Variants in AGRN observed in about 807,000 individuals in gnomAD.
AGRN encodes the protein agrin, also known as agrin proteoglycan.
Under a neutral mutation model 211.0 loss-of-function variants are expected in AGRN, and 106 were observed. That is an observed-to-expected ratio of 0.50 (90% CI 0.43 to 0.59). The LOEUF is 0.59. AGRN is among the 20% of genes least tolerant of loss of function. The pLI, the probability that AGRN is intolerant of heterozygous loss-of-function variation, is 0.00. For missense variants in AGRN, 3,040 were observed against 2,982.6 expected (o/e 1.02, Z -0.45); for synonymous variants, 1,525 against 1,332.5 (o/e 1.14, Z -3.15).
chr1:1,043,854 G>T lies in AGRN; in HGVS notation c.1830G>T (p.Gly610=). The stretch of plus-strand genomic sequence containing the variant: ...GTGGAGATGCCGTGTGTGCTTTTGG[G>T]GCTGTGTGCTCCGCAGGGCAGTGTG... ...ETCGDAVCAF[G]AVCSAGQCVC... Residue 610 remains glycine, a synonymous_variant, in exon 10 of 36, where the codon GGG becomes GGT. Coordinates refer to ENST00000379370, the MANE Select transcript of AGRN (RefSeq NM_198576.4). 1 of 1,611,546 alleles carries T rather than the reference G, an allele frequency of 6.2e-7. No homozygotes were observed.
rs146243145 is a variant in AGRN at position 1,045,488 on chromosome 1, G to A, written c.2501G>A (p.Arg834Gln). Residue 834 changes from arginine (R) to glutamine (Q), a missense_variant, in exon 14 of 36, where the codon CGA (arginine) becomes CAA (glutamine). Transcript: ENST00000379370. ...DRCEPGFWNF[R>Q]GIVTDGRSGC... ...TGTGAGCCTGGCTTCTGGAACTTTC[G>A]AGGCATCGTCACCGATGGCCGGAGT... The A allele has an allele frequency of 1.3e-3, 2,129 of 1,612,966 alleles. 3 individuals carry two copies. Among genetic ancestry groups the A allele is most frequent in the Non-Finnish European group, 1.6e-3 (1,848 of 1,179,962 alleles).
In AGRN at chr1:1,043,816, C is replaced by G; in HGVS notation, c.1799-7C>G. ...TGCCGACCCCTGCCTGGCTCTGTCTCCTGCAGAGACCTGTGGAGATGCCGT... is the reference window on the plus strand; with the variant it reads ...TGCCGACCCCTGCCTGGCTCTGTCTGCTGCAGAGACCTGTGGAGATGCCGT... On this transcript the variant is annotated splice_region_variant and splice_polypyrimidine_tract_variant and intron_variant, in intron 9 of 35. Coordinates refer to ENST00000379370, the MANE Select transcript of AGRN (RefSeq NM_198576.4). The G allele has an allele frequency of 1.2e-6, 2 of 1,610,424 alleles. No homozygotes were observed. The highest frequency in any genetic ancestry group is 1.7e-6 in the Non-Finnish European group (2 of 1,179,840).
intron 2 of AGRN, among the ~76,000 whole-genome samples, chr1:1,026,366 A>ATCAT (rs1644521458): frequency 6.6e-6 from 1 of 152,098 alleles, no homozygotes; most frequent in South Asian, 2.1e-4. Flanking sequence ...AGGAGAGGGA[A>ATCAT]TCATTAGCCC....
At chr1:1,051,886 C>T (rs571084044) in intron 33 of AGRN, 71 bp downstream of exon 33, 10 of 1,579,862 alleles carry the variant, frequency 6.3e-6, no homozygotes, top group Non-Finnish European at 8.6e-6. Context: ...ACCCCCACAC[C>T]AGGAGGGCCC....
intron 2 of AGRN, chr1:1,034,599 G>C (rs1415100916): frequency 1.4e-5 from 14 of 986,216 alleles, no homozygotes; most frequent in Non-Finnish European, 1.7e-5. Flanking sequence ...CAGCCGCCTG[G>C]CGCCTCCCTG....
chr1:1,054,113 G>T, intron 34 of AGRN, 136 bp downstream of exon 34: 1 of 976,160 alleles, frequency 1.0e-6, no homozygotes, highest in South Asian at 1.5e-5. Flanking sequence ...CACTGCCAGT[G>T]GGAGGAGGAA....
At position 1,047,907 on chromosome 1, in the gene AGRN, G is replaced by A. The variant is rs756531895; in HGVS notation, c.3751+12G>A. 16 of 1,597,078 alleles carry A rather than the reference G, an allele frequency of 1.0e-5. No individual in the cohort carries two copies. In the South Asian group the frequency reaches 1.8e-4, roughly 18 times the overall value. On this transcript the variant is annotated intron_variant, in intron 22 of 35. Transcript: ENST00000379370. ...ATTTATGGACTTTGGTGAGCGCCAGGCCACGAGCCACAGCTTACCTGCCCC... is the reference window on the plus strand; with the variant it reads ...ATTTATGGACTTTGGTGAGCGCCAGACCACGAGCCACAGCTTACCTGCCCC...
intron 33 of AGRN, chr1:1,052,874 G>A: frequency 6.3e-6 from 1 of 158,118 alleles, no homozygotes; most frequent in South Asian, 1.9e-4. Context: ...TGTATATGTG[G>A]GGGAGACAGG....
chr1:1,028,093 C>T (rs1025034220), intron 2 of AGRN, among the ~76,000 whole-genome samples: 6 of 152,188 alleles, frequency 3.9e-5, no homozygotes, highest in South Asian at 2.1e-4. Flanking sequence ...CACACACTCA[C>T]GGTTGGCACC....
chr1:1,054,226 C>T (rs1012626410), intron 34 of AGRN, among the ~76,000 whole-genome samples: 2 of 152,204 alleles, frequency 1.3e-5, no homozygotes, highest in South Asian at 2.1e-4. Flanking sequence ...TGAGCCTGGC[C>T]GTCGCCTCCA....
rs1178940133 is a variant in AGRN at position 1,055,217 on chromosome 1, TGCTGAGCCCCC to T, written c.*239_*249del. On this transcript the variant is annotated 3_prime_UTR_variant, in exon 36 of 36. Coordinates refer to ENST00000379370, the MANE Select transcript of AGRN (RefSeq NM_198576.4). ...CAGGACACACACCCCTGCCTCAAGGTGCTGAGCCCCCGCCTTGCACTGCGCCTGCCCCACGG... is the reference window on the plus strand; with the variant it reads ...CAGGACACACACCCCTGCCTCAAGGTGCCTTGCACTGCGCCTGCCCCACGG... 1.6e-5 allele frequency: 10 copies of T among 643,172 alleles called. No homozygotes were observed. The allele number at this position is 643,172 out of a possible 1,614,324, so 39.8% of individuals were successfully genotyped here.
rs1442317576 is a variant in AGRN, at chr1:1,048,076, A to C, written c.3816A>C (p.Arg1272Ser). 1.3e-6 allele frequency: 2 copies of C among 1,582,702 alleles called. No homozygotes were observed. The highest frequency in any genetic ancestry group is 1.7e-4 in the Middle Eastern group (1 of 6,060). ...CCATTGCTGCGGGAGCCACGGCCAG[A>C]GCCACCACTGCATCGCGCCTGCCGT... ...SGAIAAGATARATTASRLPSS... is the reference protein window; with the variant it reads ...SGAIAAGATASATTASRLPSS... The change falls in exon 23 of 36, where the codon AGA (arginine) becomes AGC (serine). Residue 1272 changes from arginine to serine, a missense_variant. Arg to Ser is a moderately radical substitution (Grantham distance 110, BLOSUM62 -1). Transcript: ENST00000379370. This position sits in a 1 kb window ranked among gnomAD's most constrained non-coding sequence, Gnocchi z 5.9.
intron 24 of AGRN, 43 bp from the exon 25 acceptor site, chr1:1,049,164 GCGGGGCAGCTCAGGTAGGCGGGGTGGGGA>G: frequency 2.7e-6 from 3 of 1,092,530 alleles, no homozygotes; most frequent in Non-Finnish European, 3.6e-6. Flanking sequence ...GGGGACGGGG[GCGGGGCAGCTCAGGTAGGCGGGGTGGGGA>G]CGGGGCCGGG....
chr1:1,046,152 T>C lies in AGRN; in HGVS notation c.2806-8T>C, dbSNP rs1645086050. 2 of 1,613,952 alleles carry C rather than the reference T, an allele frequency of 1.2e-6. No individual in the cohort carries two copies. The highest frequency in any genetic ancestry group is 1.7e-6 in the Non-Finnish European group (2 of 1,180,006). Reference sequence around the variant, plus strand: ...CCTCGCCTTGAACATCCTTGTTCTCTGCCCCAGGTCTGTGGGTCAGATGGA... The same window carrying C: ...CCTCGCCTTGAACATCCTTGTTCTCCGCCCCAGGTCTGTGGGTCAGATGGA... On this transcript the variant is annotated splice_polypyrimidine_tract_variant and splice_region_variant and intron_variant, in intron 16 of 35. Transcript: ENST00000379370.
chr1:1,043,155 G>A, intron 7 of AGRN, 84 bp from the exon 8 acceptor site: 1 of 1,430,078 alleles, frequency 7.0e-7, no homozygotes, highest in Non-Finnish European at 9.6e-7. Context: ...CTCCCTGGAA[G>A]AGGGACTGCT....
intron 30 of AGRN, 64 bp from the exon 31 acceptor site, chr1:1,051,189 G>C (rs900306434): frequency 5.2e-6 from 8 of 1,539,998 alleles, no homozygotes; most frequent in Non-Finnish European, 6.1e-6. Flanking sequence ...GCGTGCAGGT[G>C]CCTGGGCCCT....
chr1:1,035,376 G>A (rs752445322), intron 3 of AGRN, 52 bp downstream of exon 3: 8 of 1,603,004 alleles, frequency 5.0e-6, no homozygotes, highest in South Asian at 1.1e-5. Flanking sequence ...ACTCTTGGGA[G>A]TCAGGGGCCA....
intron 30 of AGRN, 197 bp from the exon 31 acceptor site, chr1:1,051,054 CCT>C: frequency 1.3e-6 from 2 of 1,548,978 alleles, no homozygotes; most frequent in Non-Finnish European, 1.7e-6. Context: ...GTACTGTCGG[CCT>C]CTCATCCGCT....
rs79746303 is a variant in AGRN at position 1,050,068 on chromosome 1, G to T, written c.4879+31G>T. The T allele has an allele frequency of 7.2e-5, 97 of 1,346,500 alleles. 1 individual carries two copies. The highest frequency in any genetic ancestry group is 9.2e-5 in the Non-Finnish European group (89 of 968,658). 83.4% of individuals were successfully genotyped at this position (1,346,500 alleles called of 1,614,324 possible). ...GGGCGTGGGGCTCTCGGGGCAGGGGGGGGGGGGGGGTTGAACGTTTGGGCG... is the reference window on the plus strand; with the variant it reads ...GGGCGTGGGGCTCTCGGGGCAGGGGTGGGGGGGGGGTTGAACGTTTGGGCG... On this transcript the variant is annotated intron_variant, in intron 27 of 35. Coordinates refer to ENST00000379370, the MANE Select transcript of AGRN (RefSeq NM_198576.4).
Sources: gnomAD v4.1 joint callset for allele counts (sites outside exome capture counted in the v4.1 genomes callset) on GRCh38, gnomAD v4.1.1 for gene constraint, Gnocchi (gnomAD v3.1) non-coding constraint, MANE v1.5 for transcripts, NCBI Gene and HGNC (gene_info 2026-07-23, HGNC 2026-07-21) for gene names.